Variants in PTPRD observed in about 807,000 individuals in gnomAD.
The protein encoded by PTPRD is receptor-type tyrosine-protein phosphatase delta.
In PTPRD, 34 loss-of-function variants were observed where a neutral mutation model predicts 214.5. The observed-to-expected ratio is 0.16, with a 90% CI of 0.12 to 0.21. PTPRD has a LOEUF of 0.21. Ranked by LOEUF, PTPRD falls within the 10% of genes least tolerant of loss-of-function variation. The probability of loss-of-function intolerance (pLI) is 1.00; values close to 1 mark genes in which losing one functional copy is unlikely to be tolerated. For synonymous variants in PTPRD, 1,128 were observed against 845.7 expected (o/e 1.33, Z -5.79); for missense variants, 2,545 against 2,398.7 (o/e 1.06, Z -1.27).
chr9:9,262,602 A>T (rs575972843), intron 9 of PTPRD, among the ~76,000 whole-genome samples: 1 of 151,600 alleles, frequency 6.6e-6, no homozygotes, highest in African/African-American at 2.4e-5. Context: ...TGAGTAAAAA[A>T]AAATGCCCTT....
At chr9:8,939,076 G>A (rs1369364689) in intron 11 of PTPRD, among the ~76,000 whole-genome samples, 6 of 152,080 alleles carry the variant, frequency 3.9e-5, no homozygotes, top group Non-Finnish European at 8.8e-5. Context: ...AATTTTGAAT[G>A]TACATTATCT....
chr9:8,525,497 C>T (rs908123027), intron 17 of PTPRD, among the ~76,000 whole-genome samples: 3 of 151,930 alleles, frequency 2.0e-5, no homozygotes, highest in Non-Finnish European at 2.9e-5. Context: ...GCCAAAAATA[C>T]GCAGCGAGCA....
Position 9,667,141 on chromosome 9 carries a change from T to G in PTPRD, c.-287+67392A>C, listed in dbSNP as rs557926509. Among the ~76,000 whole-genome samples, 430 of 152,214 alleles carry G rather than the reference T, an allele frequency of 2.8e-3. 2 individuals are homozygous for G. Among genetic ancestry groups the G allele is most frequent in the African/African-American group, 9.8e-3 (406 of 41,568 alleles). ...TCTCTTTTCTACCACGTGCTTTGTT[T>G]ATTACTGATTACTCATGGCTGTGAC... On this transcript the variant is annotated intron_variant, in intron 7 of 45. Coordinates refer to ENST00000381196, the MANE Select transcript of PTPRD (RefSeq NM_002839.4).
chr9:10,023,236 T>G (rs1214160501), intron 4 of PTPRD, among the ~76,000 whole-genome samples: 1 of 152,196 alleles, frequency 6.6e-6, no homozygotes, highest in Non-Finnish European at 1.5e-5. Context: ...ATTTTAAGTG[T>G]ATAACCAATC....
At chr9:8,755,704 T>C (rs1040154724) in intron 11 of PTPRD, among the ~76,000 whole-genome samples, 1 of 152,164 alleles carries the variant, frequency 6.6e-6, no homozygotes, top group East Asian at 1.9e-4. Context: ...TATTAATGCA[T>C]AGTTTGTCTT....
chr9:9,025,410 G>A (rs1044470070), intron 10 of PTPRD, among the ~76,000 whole-genome samples: 1 of 151,950 alleles, frequency 6.6e-6, no homozygotes, highest in South Asian at 2.1e-4. Context: ...AATTGTGAAT[G>A]TAATCTTAAG....
intron 3 of PTPRD, among the ~76,000 whole-genome samples, chr9:10,278,142 C>T (rs981642534): frequency 3.5e-5 from 5 of 140,946 alleles, no homozygotes; most frequent in East Asian, 2.0e-4. Flanking sequence ...GGCGACAGAG[C>T]GAGACTCTGT....
chr9:8,545,387 G>A (rs768738485), intron 14 of PTPRD, among the ~76,000 whole-genome samples: 6 of 152,142 alleles, frequency 3.9e-5, no homozygotes, highest in Non-Finnish European at 8.8e-5. Context: ...AAGTTCATGA[G>A]ACAAGCTGTT....
intron 9 of PTPRD, among the ~76,000 whole-genome samples, chr9:9,328,614 CTTGCTTTTTTTTTTTTT>C (rs1569567412): frequency 2.0e-4 from 8 of 39,074 alleles, no homozygotes; most frequent in African/African-American, 6.1e-4. Context: ...TGTTGTTGTT[CTTGCTTTTTTTTTTTTT>C]TTTTTTTTTT....
intron 14 of PTPRD, among the ~76,000 whole-genome samples, chr9:8,534,872 T>C (rs2076556553): frequency 6.6e-6 from 1 of 151,876 alleles, no homozygotes; most frequent in Admixed American, 6.6e-5. Flanking sequence ...AATTACACCA[T>C]ATATTGAAAC....
intron 5 of PTPRD, among the ~76,000 whole-genome samples, chr9:9,845,127 TAGAGCA>T (rs2059238895): frequency 6.2e-5 from 5 of 80,214 alleles, no homozygotes; most frequent in South Asian, 5.9e-4. Context: ...GCTCTATATA[TAGAGCA>T]ATATATATAT....
intron 10 of PTPRD, among the ~76,000 whole-genome samples, chr9:9,174,591 A>C (rs1198251345): frequency 3.3e-5 from 5 of 152,164 alleles, no homozygotes; most frequent in Non-Finnish European, 7.4e-5. Flanking sequence ...GTGGTTTTAA[A>C]TTGTGTAATA....
intron 8 of PTPRD, among the ~76,000 whole-genome samples, chr9:9,421,637 G>C (rs909326072): frequency 2.0e-5 from 3 of 152,094 alleles, no homozygotes; most frequent in Non-Finnish European, 4.4e-5. Context: ...TATTTTAATA[G>C]AGGTTTGTCA....
intron 9 of PTPRD, among the ~76,000 whole-genome samples, chr9:9,332,629 C>T (rs191966062): frequency 4.6e-5 from 7 of 150,656 alleles, no homozygotes; most frequent in Admixed American, 1.3e-4. Context: ...CCCAGGATTA[C>T]GTTGTTCAAC....
intron 9 of PTPRD, among the ~76,000 whole-genome samples, chr9:9,302,601 C>CTTTTTTTTTTTTTTTTTTTTTTTTCT (rs3047853): frequency 4.5e-5 from 5 of 111,888 alleles, no homozygotes; most frequent in African/African-American, 6.9e-5. Context: ...TTTTTTTTTT[C>CTTTTTTTTTTTTTTTTTTTTTTTTCT]TTTTTTTTTT....
At chr9:8,434,833 A>C (rs374104696) in intron 35 of PTPRD, among the ~76,000 whole-genome samples, 47 of 152,288 alleles carry the variant, frequency 3.1e-4, no homozygotes, top group African/African-American at 1.0e-3. Context: ...TGGAGCCCTA[A>C]GCCCTAAATT....
chr9:9,062,262 G>A (rs2099708888), intron 10 of PTPRD, among the ~76,000 whole-genome samples: 1 of 152,106 alleles, frequency 6.6e-6, no homozygotes, highest in Non-Finnish European at 1.5e-5. Flanking sequence ...TTAATAACCA[G>A]GAGAGATATA....
At chr9:9,968,138 T>G (rs1251162125) in intron 4 of PTPRD, among the ~76,000 whole-genome samples, 1 of 152,168 alleles carries the variant, frequency 6.6e-6, no homozygotes, top group Non-Finnish European at 1.5e-5. Flanking sequence ...TATCACATTT[T>G]AAAGGGAACC....
At chr9:9,195,105 T>G (rs1009763170) in intron 9 of PTPRD, among the ~76,000 whole-genome samples, 1 of 143,510 alleles carries the variant, frequency 7.0e-6, no homozygotes, top group Non-Finnish European at 1.5e-5. Context: ...TATATATATA[T>G]ATACACACAC....
Sources: gnomAD v4.1 joint callset for allele counts (sites outside exome capture counted in the v4.1 genomes callset) on GRCh38, gnomAD v4.1.1 for gene constraint, MANE v1.5 for transcripts, NCBI Gene and HGNC (gene_info 2026-07-23, HGNC 2026-07-21) for gene names.